ANO10: variants seen among roughly 807,000 people sequenced by gnomAD.
The protein encoded by ANO10 is anoctamin 10.
A neutral mutation model predicts 74.7 loss-of-function variants in ANO10; 77 were observed. The observed-to-expected ratio is 1.03, with a 90% CI of 0.86 to 1.25. The LOEUF (loss-of-function observed/expected upper bound fraction) is 1.25, where lower values mean the gene tolerates loss of function less well. Among genes scored for constraint, ANO10 ranks in the 50% most tolerant of loss-of-function variants. The pLI is 0.00. For synonymous variants in ANO10, 279 were observed against 284.9 expected (o/e 0.98, Z 0.21); for missense variants, 721 against 778.1 (o/e 0.93, Z 0.87).
At chr3:43,526,017 T>C (rs2078181352) in intron 11 of ANO10, among the ~76,000 whole-genome samples, 1 of 152,222 alleles carries the variant, frequency 6.6e-6, no homozygotes, top group Non-Finnish European at 1.5e-5. Context: ...TAATATATTC[T>C]AGCATATTCA....
intron 1 of ANO10, among the ~76,000 whole-genome samples, chr3:43,684,552 A>G (rs1298601322): frequency 6.6e-6 from 1 of 152,192 alleles, no homozygotes; most frequent in Admixed American, 6.5e-5. Context: ...AAGTAGAAAT[A>G]CCATTTGACC....
At chr3:43,639,798 A>G (rs1349030072) in intron 1 of ANO10, among the ~76,000 whole-genome samples, 1 of 152,064 alleles carries the variant, frequency 6.6e-6, no homozygotes, top group Non-Finnish European at 1.5e-5. Context: ...AAAGAAAGAA[A>G]GAAAAAGAAA....
chr3:43,586,383 G>A (rs2081481641), intron 4 of ANO10, among the ~76,000 whole-genome samples: 1 of 151,962 alleles, frequency 6.6e-6, no homozygotes, highest in Non-Finnish European at 1.5e-5. Context: ...TTCTTTTCAG[G>A]GACTAAAATG....
chr3:43,375,272 C>T (rs2091760547), intron 12 of ANO10, among the ~76,000 whole-genome samples: 1 of 151,652 alleles, frequency 6.6e-6, no homozygotes, highest in African/African-American at 2.4e-5. Flanking sequence ...ATGGTGAAAC[C>T]CTGTCTCTAC....
intron 1 of ANO10, among the ~76,000 whole-genome samples, chr3:43,641,476 C>T (rs1411885640): frequency 6.6e-6 from 1 of 152,158 alleles, no homozygotes; most frequent in Non-Finnish European, 1.5e-5. Context: ...CTGTGTTTCC[C>T]AACTCCCAAG....
At chr3:43,686,258 G>A (rs2084273381) in intron 1 of ANO10, among the ~76,000 whole-genome samples, 2 of 152,086 alleles carry the variant, frequency 1.3e-5, no homozygotes, top group Admixed American at 6.5e-5. Flanking sequence ...ATACTAGAAG[G>A]GACCTCAAGA....
intron 11 of ANO10, among the ~76,000 whole-genome samples, chr3:43,457,536 C>G (rs2075184371): frequency 6.6e-6 from 1 of 152,152 alleles, no homozygotes; most frequent in South Asian, 2.1e-4. Flanking sequence ...ATCATGAGAA[C>G]AGTATGGGGG....
In ANO10 at chr3:43,555,382, C is replaced by G. The variant is rs2079692017; in HGVS notation, c.1564G>C (p.Ala522Pro). ...ACTTCAGTGAAGTTATTTAACACAG[C>G]AAAGGCAGCTGCTAATGGGTAAACA... Reference protein sequence around the residue: ...SCVYPLAAAFAVLNNFTEVNS... With the variant: ...SCVYPLAAAFPVLNNFTEVNS... The change falls in exon 10 of 13, where the codon GCT (alanine) becomes CCT (proline). Residue 522 changes from alanine (A) to proline (P), a missense_variant. Physicochemically the swap from Ala to Pro is conservative, Grantham distance 27. Coordinates refer to ENST00000292246, the MANE Select transcript of ANO10 (RefSeq NM_018075.5). 6.2e-7 allele frequency: 1 copy of G among 1,614,006 alleles called. No homozygotes were observed. The highest frequency in any genetic ancestry group is 1.3e-5 in the African/African-American group (1 of 74,902).
chr3:43,558,550 AC>A lies in ANO10; in HGVS notation c.1476+2669del, dbSNP rs1411603048. On this transcript the variant is annotated intron_variant, in intron 9 of 12. Coordinates refer to ENST00000292246, the MANE Select transcript of ANO10 (RefSeq NM_018075.5). ...CTATCCTGCATTTTCTAAGTTTTCT[AC>A]AGGGAGTGAGAAAGTATTACTTTTA... Among the ~76,000 whole-genome samples, 26 of 152,340 alleles carry A rather than the reference AC, an allele frequency of 1.7e-4. 2 individuals are homozygous for A. The highest frequency in any genetic ancestry group is 6.3e-4 in the African/African-American group (26 of 41,572).
intron 1 of ANO10, among the ~76,000 whole-genome samples, chr3:43,637,415 G>A (rs1478833082): frequency 6.6e-6 from 1 of 151,864 alleles, no homozygotes; most frequent in East Asian, 1.9e-4. Flanking sequence ...CTGCAAATGA[G>A]CCGAGATGGC....
intron 12 of ANO10, among the ~76,000 whole-genome samples, chr3:43,384,164 T>C (rs2092051325): frequency 6.6e-6 from 1 of 151,534 alleles, no homozygotes; most frequent in South Asian, 2.1e-4. Context: ...TCAACTTCTT[T>C]TAAAATAGCT....
chr3:43,645,687 C>T (rs1310005938), intron 1 of ANO10, among the ~76,000 whole-genome samples: 1 of 152,066 alleles, frequency 6.6e-6, no homozygotes, highest in African/African-American at 2.4e-5. Flanking sequence ...AAAAAATAAC[C>T]CTGCTCCCAT....
chr3:43,544,558 T>C (rs140473623), intron 11 of ANO10, among the ~76,000 whole-genome samples: 2,705 of 152,126 alleles, frequency 0.018, 70 homozygotes, highest in African/African-American at 0.06. Flanking sequence ...TTTGGGAGGC[T>C]GAGGCAGGCA....
At chr3:43,594,577 C>A (rs150339644) in intron 4 of ANO10, among the ~76,000 whole-genome samples, 3,297 of 152,192 alleles carry the variant, frequency 0.022, 111 homozygotes, top group African/African-American at 0.075. Flanking sequence ...AATAAAGACA[C>A]AACATACCAG....
chr3:43,378,214 G>C (rs1383608548), intron 12 of ANO10, among the ~76,000 whole-genome samples: 5 of 152,210 alleles, frequency 3.3e-5, no homozygotes, highest in Non-Finnish European at 7.3e-5. Flanking sequence ...CAAGGAAAGT[G>C]AAAGTGGGAT....
At chr3:43,480,102 T>G (rs1576002951) in intron 11 of ANO10, among the ~76,000 whole-genome samples, 1 of 152,244 alleles carries the variant, frequency 6.6e-6, no homozygotes, top group South Asian at 2.1e-4. Context: ...AAAGAGCTCT[T>G]GGATACTAAA....
At chr3:43,413,754 G>A (rs1291522580) in intron 12 of ANO10, among the ~76,000 whole-genome samples, 1 of 150,924 alleles carries the variant, frequency 6.6e-6, no homozygotes, top group Non-Finnish European at 1.5e-5. Context: ...TTTCTTCAGA[G>A]AACAGTGACA....
chr3:43,606,514 G>A, intron 1 of ANO10, among the ~76,000 whole-genome samples: 1 of 152,106 alleles, frequency 6.6e-6, no homozygotes, highest in South Asian at 2.1e-4. Flanking sequence ...AGCCTAGAGT[G>A]TGGGAGGCCA....
intron 12 of ANO10, among the ~76,000 whole-genome samples, chr3:43,418,192 G>C (rs186581328): frequency 6.6e-6 from 1 of 152,224 alleles, no homozygotes; most frequent in Non-Finnish European, 1.5e-5. Flanking sequence ...CAGGGGAATC[G>C]TCTGAAACTG....
Sources: gnomAD v4.1 joint callset for allele counts (sites outside exome capture counted in the v4.1 genomes callset) on GRCh38, gnomAD v4.1.1 for gene constraint, MANE v1.5 for transcripts, NCBI Gene and HGNC (gene_info 2026-07-23, HGNC 2026-07-21) for gene names.